The following RYR2 variants were observed in gnomAD, a reference collection of about 807,000 sequenced individuals.
RYR2 encodes the protein ryanodine receptor 2.
Under a neutral mutation model 601.1 loss-of-function variants are expected in RYR2, and 227 were observed. That is an observed-to-expected ratio of 0.38 (90% CI 0.34 to 0.42). RYR2 has a LOEUF of 0.42. Among genes scored for constraint, RYR2 ranks in the 10% least tolerant of loss-of-function variants. The pLI is 1.00. For synonymous variants in RYR2, 2,223 were observed against 2,175.1 expected (o/e 1.02, Z -0.61); for missense variants, 4,646 against 6,156.5 (o/e 0.75, Z 8.21).
rs182537716 is a variant in RYR2 at position 237,219,065 on chromosome 1, T to G, written c.49-51432T>G. On this transcript the variant is annotated intron_variant, in intron 1 of 104. Transcript: ENST00000366574. ...TCTCACTCTGTCACCCAGGCTGGAG[T>G]GCAGTGGTGCAATCTCGGCTCACCA... 1.2e-3 allele frequency among the ~76,000 whole-genome samples: 177 copies of G among 146,768 alleles called. 2 individuals carry two copies. The highest frequency in any genetic ancestry group is 3.4e-3 in the Admixed American group (47 of 13,836).
intron 1 of RYR2, among the ~76,000 whole-genome samples, chr1:237,150,455 G>C (rs1674581508): frequency 6.6e-6 from 1 of 152,220 alleles, no homozygotes; most frequent in South Asian, 2.1e-4. Context: ...TTCTGTTTTT[G>C]TATCCCCGGT....
At chr1:237,290,614 G>T (rs896924516) in intron 2 of RYR2, among the ~76,000 whole-genome samples, 1 of 152,064 alleles carries the variant, frequency 6.6e-6, no homozygotes, top group Non-Finnish European at 1.5e-5. Context: ...AAAGACTTCT[G>T]AATATCAGCA....
chr1:237,304,734 T>A (rs1201883390), intron 2 of RYR2, among the ~76,000 whole-genome samples: 5 of 152,108 alleles, frequency 3.3e-5, no homozygotes, highest in African/African-American at 9.7e-5. Flanking sequence ...GAACTTTATA[T>A]GAATGTCATT....
intron 13 of RYR2, 66 bp from the exon 14 acceptor site, chr1:237,445,335 A>G: frequency 1.3e-6 from 2 of 1,597,802 alleles, no homozygotes; most frequent in African/African-American, 1.3e-5. Context: ...TTGAGTACAC[A>G]TCTCCCTAAC....
At chr1:237,422,095 C>T (rs1290186745) in intron 11 of RYR2, among the ~76,000 whole-genome samples, 2 of 152,090 alleles carry the variant, frequency 1.3e-5, no homozygotes, top group Non-Finnish European at 2.9e-5. Flanking sequence ...AAGTCATGCA[C>T]GATAGAACTG....
intron 27 of RYR2, among the ~76,000 whole-genome samples, chr1:237,558,380 A>G (rs1207637084): frequency 2.0e-5 from 3 of 152,200 alleles, no homozygotes; most frequent in African/African-American, 4.8e-5. Flanking sequence ...TGTGTTGGGT[A>G]TAGAATTCTC....
chr1:237,632,064 A>G (rs1037509408), intron 42 of RYR2, among the ~76,000 whole-genome samples: 1 of 151,916 alleles, frequency 6.6e-6, no homozygotes, highest in Admixed American at 6.6e-5. Flanking sequence ...CTTGATTTTG[A>G]TAAAAATTTC....
At chr1:237,490,825 T>C (rs1268814275) in intron 17 of RYR2, among the ~76,000 whole-genome samples, 1 of 152,248 alleles carries the variant, frequency 6.6e-6, no homozygotes, top group Non-Finnish European at 1.5e-5. Flanking sequence ...TATTCTATGA[T>C]ACCTTTGTAA....
intron 1 of RYR2, among the ~76,000 whole-genome samples, chr1:237,136,801 A>C (rs1672831172): frequency 2.0e-5 from 3 of 152,098 alleles, no homozygotes; most frequent in Admixed American, 1.3e-4. Context: ...AGATCTCCTG[A>C]GGCTAGGAGT....
chr1:237,272,107 G>A (rs1689749842), intron 2 of RYR2, among the ~76,000 whole-genome samples: 2 of 152,138 alleles, frequency 1.3e-5, no homozygotes, highest in African/African-American at 4.8e-5. Flanking sequence ...TCCAGCCTGG[G>A]TGACAGAGCA....
Position 237,778,781 on chromosome 1 carries a change from T to TA in RYR2, c.11880+13dup. The TA allele has an allele frequency of 7.1e-7, 1 of 1,409,548 alleles. No homozygotes were observed. The highest frequency in any genetic ancestry group is 1.0e-6 in the Non-Finnish European group (1 of 993,690). The allele number at this position is 1,409,548 out of a possible 1,614,324, so 87.3% of individuals were successfully genotyped here. ...ATGAAGCTGTCGCAGGTAAACTAAC[T>TA]AACTGCCTTCCTCTCTCTTAAATGA... On this transcript the variant is annotated intron_variant, in intron 88 of 104. Transcript: ENST00000366574.
intron 10 of RYR2, among the ~76,000 whole-genome samples, chr1:237,410,988 A>G (rs143655347): frequency 1.0e-3 from 157 of 152,356 alleles, no homozygotes; most frequent in African/African-American, 3.4e-3. Flanking sequence ...AAAAGAAGGC[A>G]ATCCTGTCAT....
intron 1 of RYR2, among the ~76,000 whole-genome samples, chr1:237,206,362 A>T (rs1681820546): frequency 6.6e-6 from 1 of 152,190 alleles, no homozygotes; most frequent in Non-Finnish European, 1.5e-5. Flanking sequence ...ATCTCTTGTT[A>T]CTTTAGGTAC....
rs1478439786 is a variant in RYR2 at position 237,760,995 on chromosome 1, G to C, written c.11443G>C (p.Glu3815Gln). The C allele has an allele frequency of 3.2e-6, 5 of 1,580,070 alleles. No homozygotes were observed. The highest frequency in any genetic ancestry group is 4.3e-6 in the Non-Finnish European group (5 of 1,161,412). The change falls in exon 84 of 105, where the codon GAA (glutamate) becomes CAA (glutamine). Residue 3815 changes from glutamate (E) to glutamine (Q), a missense_variant. Physicochemically the swap from Glu to Gln is conservative, Grantham distance 29 (BLOSUM62 2). Around this residue, in one of 17 missense-constraint regions of RYR2, gnomAD observed 1,497 missense variants for 1,842.6 expected, o/e 0.81. Coordinates refer to ENST00000366574, the MANE Select transcript of RYR2 (RefSeq NM_001035.3). ...LNAFERQNKA[E>Q]GLGMVTEEGS... is the part of the protein sequence containing the mutation. ...TGCATTTGAGCGACAAAACAAAGCT[G>C]AAGGTCTTGGGATGGTGACAGAGGA...
At chr1:237,669,657 C>T (rs1415920153) in intron 58 of RYR2, among the ~76,000 whole-genome samples, 3 of 151,496 alleles carry the variant, frequency 2.0e-5, no homozygotes, top group African/African-American at 7.3e-5. Flanking sequence ...GACGGGGCGG[C>T]AGGGCAGAGG....
intron 17 of RYR2, 71 bp downstream of exon 17, chr1:237,469,258 CAAAAAAAAAAAA>C (rs66912945): frequency 2.7e-5 from 3 of 112,270 alleles, no homozygotes; most frequent in African/African-American, 9.3e-5. Context: ...TCCTTTAAGA[CAAAAAAAAAAAA>C]AAAAAAAAAC....
intron 1 of RYR2, among the ~76,000 whole-genome samples, chr1:237,065,944 G>C (rs890721990): frequency 1.3e-5 from 2 of 152,120 alleles, no homozygotes; most frequent in Non-Finnish European, 2.9e-5. Context: ...AAGAGCACTT[G>C]CTCACTATCA....
At chr1:237,383,605 A>AT (rs1234337855) in intron 8 of RYR2, among the ~76,000 whole-genome samples, 5 of 150,992 alleles carry the variant, frequency 3.3e-5, no homozygotes, top group African/African-American at 1.2e-4. Context: ...AATTTTTTAT[A>AT]TTTTTAGTAG....
Position 237,787,787 on chromosome 1 carries a change from C to T in RYR2, c.13329-201C>T, listed in dbSNP as rs537678041. On this transcript the variant is annotated intron_variant, in intron 91 of 104. Transcript: ENST00000366574. ...CTATATTTCAACTTCACAGAATTAC[C>T]CATCTCCAGGGGACTGTGATCAACA... Among the ~76,000 whole-genome samples, 31 of 151,978 alleles carry T rather than the reference C, an allele frequency of 2.0e-4. 2 individuals carry two copies. The East Asian group carries it at 5.4e-3, about 27-fold the overall frequency.
Sources: gnomAD v4.1 joint callset for allele counts (sites outside exome capture counted in the v4.1 genomes callset) on GRCh38, gnomAD v4.1.1 for gene constraint, gnomAD v4.1.1 regional missense constraint, MANE v1.5 for transcripts, NCBI Gene and HGNC (gene_info 2026-07-23, HGNC 2026-07-21) for gene names.